Variants in ADAMTSL2 observed in about 807,000 individuals in gnomAD.
ADAMTSL2 encodes ADAMTS like 2.
In ADAMTSL2, 55 loss-of-function variants were observed where a neutral mutation model predicts 117.0. The ratio of observed to expected loss-of-function variants is 0.47; its 90% CI spans 0.38 to 0.59. The LOEUF (loss-of-function observed/expected upper bound fraction) is 0.59, where lower values mean the gene tolerates loss of function less well. ADAMTSL2 is among the 20% of genes least tolerant of loss of function. The pLI is 0.00. For missense variants in ADAMTSL2, 1,182 were observed against 1,354.5 expected, an observed-to-expected ratio of 0.87 and a Z score of 2.00; for synonymous variants, 572 against 566.4, an observed-to-expected ratio of 1.01 and a Z score of -0.14.
chr9:133,566,325 C>T (rs1294893596), intron 12 of ADAMTSL2, among the ~76,000 whole-genome samples: 2 of 152,208 alleles, frequency 1.3e-5, no homozygotes, highest in East Asian at 1.9e-4. Flanking sequence ...CCTGTAATCC[C>T]AGCTACTCGG....
In ADAMTSL2 at chr9:133,538,506, CTGGGCATTCTGGGCATTCTGTTGTGGG is replaced by C; in HGVS notation, c.309+83_309+109del. ...TTTCAGGGGGTCTTCCAGGTGGCTC[CTGGGCATTCTGGGCATTCTGTTGTGGG>C]CTGCTCTTCAAGGAGAGCCCAGGAG... On this transcript the variant is annotated intron_variant, in intron 4 of 18. Coordinates refer to ENST00000651351, the MANE Select transcript of ADAMTSL2 (RefSeq NM_014694.4). The C allele has an allele frequency of 2.1e-6, 3 of 1,426,222 alleles. No individual in the cohort carries two copies. The East Asian group carries it at 6.9e-5, about 33-fold the overall frequency. The allele number at this position is 1,426,222 out of a possible 1,614,324, so 88.3% of individuals were successfully genotyped here. A position where few individuals can be genotyped will look rare whatever the true frequency, so the allele number is the denominator to read the frequency against.
chr9:133,563,457 T>C (rs1830796005), intron 12 of ADAMTSL2, among the ~76,000 whole-genome samples: 1 of 146,756 alleles, frequency 6.8e-6, no homozygotes, highest in African/African-American at 2.7e-5. Context: ...CTGTGGGCGT[T>C]GTCACTAAGT....
chr9:133,539,369 C>T (rs1044045252), intron 4 of ADAMTSL2, among the ~76,000 whole-genome samples: 7 of 152,202 alleles, frequency 4.6e-5, no homozygotes, highest in African/African-American at 1.7e-4. Flanking sequence ...GTGTGCATGG[C>T]CACGGACCGT....
chr9:133,547,238 G>T (rs1564498914), intron 9 of ADAMTSL2, 25 bp downstream of exon 9: 2 of 1,603,206 alleles, frequency 1.2e-6, no homozygotes, highest in South Asian at 1.1e-5. Context: ...GGCCTTGGGG[G>T]CCCCAGGGGC....
intron 9 of ADAMTSL2, among the ~76,000 whole-genome samples, chr9:133,549,709 A>G (rs9330466): frequency 0.84 from 128,222 of 152,000 alleles, 54,852 homozygotes; most frequent in Non-Finnish European, 0.92. Flanking sequence ...GATCAAGTTC[A>G]ATCACCCAGC....
rs200704888 is a variant in ADAMTSL2 at position 133,538,357 on chromosome 9, C to T, written c.242C>T (p.Ser81Phe). The T allele has an allele frequency of 5.5e-5, 88 of 1,613,272 alleles. No individual in the cohort carries two copies. The highest frequency in any genetic ancestry group is 6.1e-5 in the Non-Finnish European group (72 of 1,180,044). The change falls in exon 4 of 19, where the codon TCC (serine) becomes TTC (phenylalanine). Residue 81 changes from serine to phenylalanine, a missense_variant. Coordinates refer to ENST00000651351, the MANE Select transcript of ADAMTSL2 (RefSeq NM_014694.4). ...CTGCATCTTTCTGCCAGGAGGAAGTCCGTCCCGGGCCCCGGGAACAGGACC... is the reference window on the plus strand; with the variant it reads ...CTGCATCTTTCTGCCAGGAGGAAGTTCGTCCCGGGCCCCGGGAACAGGACC... ...ERHCLQQRRK[S>F]VPGPGNRTCT...
rs1830067547 is a variant in ADAMTSL2, at chr9:133,536,947, C to T, written c.90+145C>T. ...CATCTTGGCTCCTAGAAACTTCTGC[C>T]CAGAGCCAGTCAGATCAGCCTCTGA... On this transcript the variant is annotated intron_variant, in intron 2 of 18. Transcript: ENST00000651351. 7 of 1,380,544 alleles carry T rather than the reference C, an allele frequency of 5.1e-6. 1 individual carries two copies. The South Asian group carries it at 9.9e-5, about 19-fold the overall frequency. 85.5% of individuals were successfully genotyped at this position (1,380,544 alleles called of 1,614,324 possible).
In ADAMTSL2 at chr9:133,539,926, G is replaced by T. The variant is rs192609895; in HGVS notation, c.412+53G>T. On this transcript the variant is annotated intron_variant, in intron 5 of 18. Transcript: ENST00000651351. ...GCAGGGAGCTGACTGAGCTTTGGGG[G>T]TAGCCCTTCCGGCACCTGGGACCAA... The T allele has an allele frequency of 1.5e-4, 224 of 1,518,640 alleles. 2 individuals are homozygous for T. The African/African-American group carries it at 2.7e-3, about 18-fold the overall frequency. The allele number at this position is 1,518,640 out of a possible 1,614,324, so 94.1% of individuals were successfully genotyped here.
At chr9:133,545,339 T>TC (rs146342952) in intron 8 of ADAMTSL2, among the ~76,000 whole-genome samples, 1,986 of 152,212 alleles carry the variant, frequency 0.013, 52 homozygotes, top group African/African-American at 0.045. Flanking sequence ...CTGGGTTTAC[T>TC]CCCCCCACTG....
At chr9:133,564,649 GGA>G (rs1830914617) in intron 12 of ADAMTSL2, among the ~76,000 whole-genome samples, 7 of 27,836 alleles carry the variant, frequency 2.5e-4, no homozygotes, top group East Asian at 1.3e-3. Flanking sequence ...AGGGAGAGAG[GGA>G]GAGAGGGAGA....
chr9:133,569,271 A>T, intron 15 of ADAMTSL2, 137 bp from the exon 16 acceptor site: 1 of 781,036 alleles, frequency 1.3e-6, no homozygotes, highest in Non-Finnish European at 2.2e-6. Flanking sequence ...AGAAAATGTT[A>T]TTTAAAAAGT....
chr9:133,562,541 G>T (rs1187262991), intron 12 of ADAMTSL2, among the ~76,000 whole-genome samples: 1 of 116,876 alleles, frequency 8.6e-6, no homozygotes, highest in Non-Finnish European at 1.8e-5. Flanking sequence ...GCTGGGCCCG[G>T]CTCGCACCGC....
At chr9:133,563,277 T>C (rs111628603) in intron 12 of ADAMTSL2, among the ~76,000 whole-genome samples, 41 of 152,318 alleles carry the variant, frequency 2.7e-4, no homozygotes, top group African/African-American at 9.4e-4. Flanking sequence ...GCCTTGGAAG[T>C]GAGCCATGTG....
rs911130958 is a variant in ADAMTSL2, at chr9:133,567,551, G to A, written c.1874+489G>A. Among the ~76,000 whole-genome samples the A allele has an allele frequency of 3.5e-3, 531 of 152,296 alleles. 10 individuals are homozygous for A. Among genetic ancestry groups the A allele is most frequent in the Admixed American group, 0.027 (414 of 15,290 alleles). On this transcript the variant is annotated intron_variant, in intron 13 of 18. Coordinates refer to ENST00000651351, the MANE Select transcript of ADAMTSL2 (RefSeq NM_014694.4). ...CTAGTGACAAGTGGGGTCCCCAGAT[G>A]AGCCTGAGGGTGCCGGCCTCCCCCG...
Position 133,540,878 on chromosome 9 carries a change from C to G in ADAMTSL2, c.559C>G (p.Pro187Ala). The G allele has an allele frequency of 6.2e-7, 1 of 1,613,424 alleles. No individual in the cohort carries two copies. Among genetic ancestry groups the G allele is most frequent in the Non-Finnish European group, 8.5e-7 (1 of 1,180,008 alleles). Residue 187 changes from proline (P) to alanine (A), a missense_variant and splice_region_variant, in exon 7 of 19, where the codon CCC (proline) becomes GCC (alanine). Around this residue, in one of 3 missense-constraint regions of ADAMTSL2, gnomAD observed 372 missense variants for 463.4 expected, o/e 0.80. Transcript: ENST00000651351. ...RGVCVSGKCE[P>A]IGCDGVLFST... ...GCCCTCTCCCTCTCCCTTCCTGCAG[C>G]CCATCGGCTGTGACGGGGTGCTTTT...
intron 9 of ADAMTSL2, among the ~76,000 whole-genome samples, chr9:133,548,278 C>CT (rs1454303377): frequency 1.3e-5 from 2 of 152,226 alleles, no homozygotes; most frequent in Non-Finnish European, 2.9e-5. Context: ...GGAGGGGTCT[C>CT]TAACTGGGGG....
chr9:133,533,006 G>A (rs1406290431), upstream of ADAMTSL2, among the ~76,000 whole-genome samples: 2 of 152,190 alleles, frequency 1.3e-5, no homozygotes, highest in Non-Finnish European at 2.9e-5. Context: ...TCACCCTGGC[G>A]CTGGCTGGAT....
In ADAMTSL2 at chr9:133,568,742, T is replaced by C; in HGVS notation, c.2228T>C (p.Val743Ala). The change falls in exon 15 of 19, where the codon GTC becomes GCC. Residue 743 changes from valine (V) to alanine (A), a missense_variant. Around this residue, in one of 3 missense-constraint regions of ADAMTSL2, gnomAD observed 465 missense variants for 565.3 expected, o/e 0.82. Coordinates refer to ENST00000651351, the MANE Select transcript of ADAMTSL2 (RefSeq NM_014694.4). ...CCGCCCTGTGACCGGCAGTGGACCG[T>C]CTCCGACTGGGGACCGGTGAGGCCT... ...TGPPCDRQWT[V>A]SDWGPCSGSC... is the part of the protein sequence containing the mutation. 1 of 1,612,926 alleles carries C rather than the reference T, an allele frequency of 6.2e-7. No homozygotes were observed. The highest frequency in any genetic ancestry group is 8.5e-7 in the Non-Finnish European group (1 of 1,179,954).
chr9:133,565,509 C>T (rs1218359423), intron 12 of ADAMTSL2, among the ~76,000 whole-genome samples: 1 of 152,222 alleles, frequency 6.6e-6, no homozygotes, highest in Admixed American at 6.5e-5. Flanking sequence ...ACATTCCAAG[C>T]AGACCTGGCC....
Sources: gnomAD v4.1 joint callset for allele counts (sites outside exome capture counted in the v4.1 genomes callset) on GRCh38, gnomAD v4.1.1 for gene constraint, gnomAD v4.1.1 regional missense constraint, MANE v1.5 for transcripts, NCBI Gene and HGNC (gene_info 2026-07-23, HGNC 2026-07-21) for gene names.